FMN1: variants seen among roughly 807,000 people sequenced by gnomAD.
The protein encoded by FMN1 is formin-1.
In FMN1, 110 loss-of-function variants were observed where a neutral mutation model predicts 132.4. The observed-to-expected ratio is 0.83, with a 90% CI of 0.71 to 0.97. The LOEUF is 0.97. Among genes scored for constraint, FMN1 ranks in the 50% least tolerant of loss-of-function variants. The probability of loss-of-function intolerance (pLI) is 0.00; values close to 1 mark genes in which losing one functional copy is unlikely to be tolerated. For synonymous variants in FMN1, 722 were observed against 651.7 expected (o/e 1.11, Z -1.64); for missense variants, 1,792 against 1,705.3 (o/e 1.05, Z -0.90).
chr15:32,921,204 A>C (rs962610253), intron 10 of FMN1, among the ~76,000 whole-genome samples: 1 of 152,230 alleles, frequency 6.6e-6, no homozygotes, highest in Non-Finnish European at 1.5e-5. Context: ...ATTTAAGCTG[A>C]AACCTAAAGA....
intron 16 of FMN1, among the ~76,000 whole-genome samples, chr15:32,865,895 T>C (rs1369613287): frequency 2.0e-5 from 3 of 150,820 alleles, no homozygotes; most frequent in African/African-American, 7.3e-5. Flanking sequence ...CTGAACTCAA[T>C]AATAGAAATA....
At chr15:33,190,871 C>T (rs1350453747) in intron 2 of FMN1, among the ~76,000 whole-genome samples, 1 of 152,120 alleles carries the variant, frequency 6.6e-6, no homozygotes. Context: ...CAAACATGAA[C>T]GTTAAAAAGT....
At chr15:33,155,768 G>A (rs768592034) in intron 3 of FMN1, among the ~76,000 whole-genome samples, 40 of 152,054 alleles carry the variant, frequency 2.6e-4, no homozygotes, top group Non-Finnish European at 5.9e-4. Context: ...TATAAGGAAC[G>A]GCTGGCCCTG....
chr15:32,954,966 G>GT (rs2061731990), intron 9 of FMN1, among the ~76,000 whole-genome samples: 1 of 152,350 alleles, frequency 6.6e-6, no homozygotes, highest in East Asian at 1.9e-4. Context: ...AGGCAACAGA[G>GT]TGAGACTTTT....
intron 4 of FMN1, among the ~76,000 whole-genome samples, chr15:33,147,621 G>C (rs2061073): frequency 6.6e-6 from 1 of 152,174 alleles, no homozygotes; most frequent in East Asian, 1.9e-4. Flanking sequence ...AAAATGCACA[G>C]GCATAGAGCT....
intron 19 of FMN1, among the ~76,000 whole-genome samples, chr15:32,793,815 G>A (rs1170520238): frequency 4.6e-5 from 7 of 152,160 alleles, no homozygotes; most frequent in Non-Finnish European, 8.8e-5. Flanking sequence ...AAGTTAACAT[G>A]TTACAAGTTA....
chr15:32,901,759 AC>A (rs1273176021), intron 13 of FMN1, among the ~76,000 whole-genome samples, 151 bp downstream of exon 13: 1 of 152,032 alleles, frequency 6.6e-6, no homozygotes, highest in Non-Finnish European at 1.5e-5. Context: ...TCATACACAC[AC>A]ACACGGGCAA....
At chr15:32,929,862 T>C (rs954779951) in intron 9 of FMN1, among the ~76,000 whole-genome samples, 13 of 151,962 alleles carry the variant, frequency 8.6e-5, no homozygotes, top group African/African-American at 2.9e-4. Context: ...GTTGTCTCCA[T>C]CTCTTTGCTA....
chr15:33,097,713 C>T (rs557212566), intron 4 of FMN1, among the ~76,000 whole-genome samples: 20 of 152,094 alleles, frequency 1.3e-4, no homozygotes, highest in Non-Finnish European at 2.4e-4. Flanking sequence ...CATAACATGC[C>T]TACATTTTCA....
intron 5 of FMN1, among the ~76,000 whole-genome samples, chr15:33,066,139 G>A (rs745760938): frequency 5.9e-5 from 9 of 152,236 alleles, no homozygotes; most frequent in South Asian, 4.2e-4. Context: ...GACTTTCTGC[G>A]GAGGTATAAT....
At chr15:33,057,416 A>T (rs2037267242) in intron 6 of FMN1, among the ~76,000 whole-genome samples, 1 of 152,204 alleles carries the variant, frequency 6.6e-6, no homozygotes, top group African/African-American at 2.4e-5. Context: ...AAACTGGTTT[A>T]AAAAAAGAAA....
chr15:32,830,783 T>C (rs767394419), intron 17 of FMN1, among the ~76,000 whole-genome samples: 1 of 152,150 alleles, frequency 6.6e-6, no homozygotes, highest in Non-Finnish European at 1.5e-5. Flanking sequence ...CGTCATCATG[T>C]GAACTCACAT....
At chr15:33,098,037 A>T (rs2039153222) in intron 4 of FMN1, among the ~76,000 whole-genome samples, 1 of 152,212 alleles carries the variant, frequency 6.6e-6, no homozygotes, top group Admixed American at 6.5e-5. Context: ...AAGGATCAAA[A>T]TCATATGAAA....
At chr15:32,897,190 T>C (rs146620749) in intron 15 of FMN1, among the ~76,000 whole-genome samples, 63 of 152,326 alleles carry the variant, frequency 4.1e-4, no homozygotes, top group African/African-American at 1.5e-3. Flanking sequence ...ATTAGTGATG[T>C]TGGCACCTGT....
intron 17 of FMN1, among the ~76,000 whole-genome samples, chr15:32,852,266 A>G (rs1023933966): frequency 1.3e-5 from 2 of 152,154 alleles, no homozygotes; most frequent in African/African-American, 4.8e-5. Flanking sequence ...AAAAGGAGTT[A>G]CCCTATTCTC....
At chr15:33,158,966 C>G (rs1187988461) in intron 3 of FMN1, among the ~76,000 whole-genome samples, 1 of 152,122 alleles carries the variant, frequency 6.6e-6, no homozygotes, top group Non-Finnish European at 1.5e-5. Flanking sequence ...GTGGGTGGAT[C>G]ACTTGAGTTC....
chr15:33,030,790 TA>T (rs2035899957), intron 6 of FMN1, among the ~76,000 whole-genome samples: 1 of 152,196 alleles, frequency 6.6e-6, no homozygotes, highest in African/African-American at 2.4e-5. Flanking sequence ...ATAAAATATA[TA>T]AACTCAAATA....
chr15:32,808,499 G>A (rs998188812), intron 17 of FMN1, among the ~76,000 whole-genome samples: 2 of 152,218 alleles, frequency 1.3e-5, no homozygotes, highest in African/African-American at 2.4e-5. Context: ...TAAATGAAGT[G>A]TAGCATAGAG....
chr15:32,925,893 T>C (rs2060947115), intron 10 of FMN1, among the ~76,000 whole-genome samples: 1 of 152,202 alleles, frequency 6.6e-6, no homozygotes, highest in Admixed American at 6.5e-5. Flanking sequence ...AAACCCCACC[T>C]GTAAAACAAA....
Sources: gnomAD v4.1 joint callset for allele counts (sites outside exome capture counted in the v4.1 genomes callset) on GRCh38, gnomAD v4.1.1 for gene constraint, MANE v1.5 for transcripts, NCBI Gene and HGNC (gene_info 2026-07-23, HGNC 2026-07-21) for gene names.